The following ALOX5 variants were observed in gnomAD, a reference collection of about 807,000 sequenced individuals.
ALOX5 encodes arachidonate 5-lipoxygenase, also known as polyunsaturated fatty acid 5-lipoxygenase.
Under a neutral mutation model 87.9 loss-of-function variants are expected in ALOX5, and 64 were observed. The observed-to-expected ratio is 0.73, with a 90% CI of 0.60 to 0.90. The LOEUF is 0.90. Among genes scored for constraint, ALOX5 ranks in the 40% least tolerant of loss-of-function variants. ALOX5 has a pLI of 0.00. For missense variants in ALOX5, 822 were observed against 907.5 expected, an observed-to-expected ratio of 0.91 and a Z score of 1.21; for synonymous variants, 388 against 355.1, an observed-to-expected ratio of 1.09 and a Z score of -1.04.
At chr10:45,443,609 C>T (rs1018443548) in intron 11 of ALOX5, 72 bp downstream of exon 11, 2 of 1,597,656 alleles carry the variant, frequency 1.3e-6, no homozygotes, top group Non-Finnish European at 1.7e-6. Flanking sequence ...GCCACCCCTC[C>T]GGGGTGTCCT....
chr10:45,433,784 G>T (rs951467904), intron 7 of ALOX5, among the ~76,000 whole-genome samples: 2 of 152,204 alleles, frequency 1.3e-5, no homozygotes, highest in Admixed American at 1.3e-4. Context: ...GTTAGCTGTG[G>T]CTTGTGGGCG....
At chr10:45,413,550 T>C (rs1841152893) in intron 4 of ALOX5, among the ~76,000 whole-genome samples, 1 of 152,152 alleles carries the variant, frequency 6.6e-6, no homozygotes, top group African/African-American at 2.4e-5. Flanking sequence ...GGATGCCCTC[T>C]CTCACCACTC....
At chr10:45,436,996 G>A (rs986787636) in intron 7 of ALOX5, among the ~76,000 whole-genome samples, 2 of 152,150 alleles carry the variant, frequency 1.3e-5, no homozygotes, top group Non-Finnish European at 2.9e-5. Flanking sequence ...TTGTAACTGA[G>A]ATCACCACGT....
intron 13 of ALOX5, 45 bp from the exon 14 acceptor site, chr10:45,445,463 G>C: frequency 6.3e-7 from 1 of 1,583,448 alleles, no homozygotes; most frequent in Non-Finnish European, 8.6e-7. Context: ...CAGTTTACAC[G>C]GGTAGTGGAT....
At chr10:45,428,389 C>T (rs2132817511) in intron 6 of ALOX5, 1 of 569,996 alleles carries the variant, frequency 1.8e-6, no homozygotes, top group East Asian at 2.9e-5. Flanking sequence ...CCACAAATGC[C>T]GAATGAGCTG....
Position 45,445,501 on chromosome 10 carries a change from C to G in ALOX5, c.1846-7C>G. On this transcript the variant is annotated splice_polypyrimidine_tract_variant and splice_region_variant and intron_variant, in intron 13 of 13. Transcript: ENST00000374391. ...ACCTATGTGTGTGTCCATGTCTGGG[C>G]CCTCAGCTGTTCCTGGGCATGTACC... 2 of 1,611,672 alleles carry G rather than the reference C, an allele frequency of 1.2e-6. No homozygotes were observed. Among genetic ancestry groups the G allele is most frequent in the Non-Finnish European group, 1.7e-6 (2 of 1,178,042 alleles).
In ALOX5 at chr10:45,436,552, G is replaced by A. The variant is rs12765209; in HGVS notation, c.982-3878G>A. Reference sequence around the variant, plus strand: ...TTTTTGTTGATTTTGTCAAAAATCAGTTGGTTGCAGGTATATGGCTTTATT... The same window carrying A: ...TTTTTGTTGATTTTGTCAAAAATCAATTGGTTGCAGGTATATGGCTTTATT... On this transcript the variant is annotated intron_variant, in intron 7 of 13. Coordinates refer to ENST00000374391, the MANE Select transcript of ALOX5 (RefSeq NM_000698.5). 3.9e-3 allele frequency among the ~76,000 whole-genome samples: 593 copies of A among 152,244 alleles called. 11 individuals carry two copies. The East Asian group carries it at 0.053, about 14-fold the overall frequency.
intron 3 of ALOX5, among the ~76,000 whole-genome samples, chr10:45,405,032 A>G (rs893202979): frequency 1.3e-5 from 2 of 152,144 alleles, no homozygotes; most frequent in African/African-American, 4.8e-5. Context: ...ATGCACCATA[A>G]TTTACTTAGC....
Position 45,385,360 on chromosome 10 carries a change from A to T in ALOX5, c.349+2679A>T, listed in dbSNP as rs185825373. On this transcript the variant is annotated intron_variant, in intron 2 of 13. Coordinates refer to ENST00000374391, the MANE Select transcript of ALOX5 (RefSeq NM_000698.5). ...AGCATCTGTGTGAAGGGACAGCTTCATTAAGGCACTGTGTCAGTCCTTGGA... is the reference window on the plus strand; with the variant it reads ...AGCATCTGTGTGAAGGGACAGCTTCTTTAAGGCACTGTGTCAGTCCTTGGA... Among the ~76,000 whole-genome samples, 3 of 152,328 alleles carry T rather than the reference A, an allele frequency of 2.0e-5. No individual in the cohort carries two copies. In the East Asian group the frequency reaches 5.8e-4, roughly 29 times the overall value.
intron 2 of ALOX5, among the ~76,000 whole-genome samples, chr10:45,393,444 G>C (rs1157966238): frequency 1.3e-5 from 2 of 152,060 alleles, no homozygotes; most frequent in African/African-American, 4.8e-5. Context: ...GGTATTGATG[G>C]GACGTATCTC....
chr10:45,392,142 G>T (rs1236079216), intron 2 of ALOX5, among the ~76,000 whole-genome samples: 1 of 151,782 alleles, frequency 6.6e-6, no homozygotes, highest in African/African-American at 2.4e-5. Flanking sequence ...GGGTGCCTCT[G>T]CCTGGCCACC....
intron 3 of ALOX5, among the ~76,000 whole-genome samples, chr10:45,409,211 T>C (rs1840979685): frequency 6.6e-6 from 1 of 152,242 alleles, no homozygotes; most frequent in Non-Finnish European, 1.5e-5. Context: ...GTACATCACG[T>C]TCCTTTTTCT....
At chr10:45,398,695 AG>A (rs1321899967) in intron 3 of ALOX5, among the ~76,000 whole-genome samples, 1 of 152,224 alleles carries the variant, frequency 6.6e-6, no homozygotes, top group Non-Finnish European at 1.5e-5. Context: ...AAAATGAGTG[AG>A]GATCTGAATA....
At position 45,425,029 on chromosome 10, in the gene ALOX5, T is replaced by G; in HGVS notation, c.731T>G (p.Val244Gly). Residue 244 changes from valine to glycine, a missense_variant, in exon 6 of 14, where the codon GTG becomes GGG. Transcript: ENST00000374391. This position sits in a 1 kb window ranked among gnomAD's most constrained non-coding sequence, Gnocchi z 4.4. Reference protein sequence around the residue: ...GYQFLNGCNPVLIRRCTELPE... With the variant: ...GYQFLNGCNPGLIRRCTELPE... ...CAGTTCCTGAATGGCTGCAACCCTG[T>G]GTTGATCCGGCGCTGCACAGAGCTG... 1 of 1,614,180 alleles carries G rather than the reference T, an allele frequency of 6.2e-7. No homozygotes were observed. The highest frequency in any genetic ancestry group is 8.5e-7 in the Non-Finnish European group (1 of 1,180,034).
At chr10:45,395,071 A>G (rs914084968) in intron 2 of ALOX5, among the ~76,000 whole-genome samples, 44 of 152,364 alleles carry the variant, frequency 2.9e-4, no homozygotes, top group Non-Finnish European at 2.5e-4. Context: ...ATCTAGAACT[A>G]GAAATACCAT....
At chr10:45,391,289 T>C (rs1840238089) in intron 2 of ALOX5, among the ~76,000 whole-genome samples, 5 of 152,320 alleles carry the variant, frequency 3.3e-5, no homozygotes, top group Admixed American at 3.3e-4. Flanking sequence ...GAGACGGGGT[T>C]TCGCTGTGTT....
intron 13 of ALOX5, 54 bp from the exon 14 acceptor site, chr10:45,445,454 A>G: frequency 6.4e-7 from 1 of 1,572,586 alleles, no homozygotes; most frequent in Non-Finnish European, 8.7e-7. Context: ...CAGGCCTGTC[A>G]GTTTACACGG....
At chr10:45,380,537 G>A (rs376620866) in intron 1 of ALOX5, among the ~76,000 whole-genome samples, 199 of 152,272 alleles carry the variant, frequency 1.3e-3, no homozygotes, top group African/African-American at 4.4e-3. Context: ...GGATGCCTGC[G>A]CTCGCACAAA....
chr10:45,417,545 C>T (rs1841340561), intron 4 of ALOX5, among the ~76,000 whole-genome samples: 1 of 152,152 alleles, frequency 6.6e-6, no homozygotes, highest in African/African-American at 2.4e-5. Flanking sequence ...GCAGGAGCAT[C>T]TTTCCAGCTG....
Sources: allele counts gnomAD v4.1 joint callset (sites outside exome capture counted in the v4.1 genomes callset), GRCh38; gene constraint gnomAD v4.1.1; non-coding constraint Gnocchi (gnomAD v3.1); transcripts MANE v1.5; gene names NCBI Gene and HGNC (gene_info 2026-07-23, HGNC 2026-07-21).